Variants in WWC2 observed in about 807,000 individuals in gnomAD.
WWC2 encodes WW and C2 domain containing 2.
A neutral mutation model predicts 138.5 loss-of-function variants in WWC2; 101 were observed. That is an observed-to-expected ratio of 0.73 (90% CI 0.62 to 0.86). The LOEUF (loss-of-function observed/expected upper bound fraction) is 0.86. WWC2 is among the 40% of genes least tolerant of loss of function. The pLI is 0.00. For missense variants in WWC2, 1,420 were observed against 1,419.4 expected (o/e 1.00, Z -0.01); for synonymous variants, 558 against 538.4 (o/e 1.04, Z -0.50).
At chr4:183,171,101 A>G (rs1055099260) in intron 1 of WWC2, among the ~76,000 whole-genome samples, 1 of 152,178 alleles carries the variant, frequency 6.6e-6, no homozygotes, top group Non-Finnish European at 1.5e-5. Flanking sequence ...TCTTCTTTGT[A>G]CTGTTTACAG....
intron 19 of WWC2, among the ~76,000 whole-genome samples, chr4:183,285,387 A>T (rs1738212260): frequency 6.6e-6 from 1 of 152,230 alleles, no homozygotes; most frequent in Admixed American, 6.5e-5. Flanking sequence ...TTAGCTAAAA[A>T]TACAAAGGAT....
At chr4:183,273,536 T>C (rs955668440) in intron 16 of WWC2, among the ~76,000 whole-genome samples, 1 of 152,172 alleles carries the variant, frequency 6.6e-6, no homozygotes, top group African/African-American at 2.4e-5. Context: ...ACTCCCGACC[T>C]CAGGTGATCT....
chr4:183,126,175 C>A (rs1198934377), intron 1 of WWC2, among the ~76,000 whole-genome samples: 2 of 152,216 alleles, frequency 1.3e-5, no homozygotes, highest in African/African-American at 4.8e-5. Flanking sequence ...CTCAAAGTAA[C>A]TAGGAAACCA....
chr4:183,119,758 C>T (rs1732541039), intron 1 of WWC2, among the ~76,000 whole-genome samples: 1 of 152,080 alleles, frequency 6.6e-6, no homozygotes, highest in Admixed American at 6.6e-5. Flanking sequence ...AAAATGAGCA[C>T]GTAGTATATT....
At chr4:183,158,580 C>T (rs113626915) in intron 1 of WWC2, among the ~76,000 whole-genome samples, 123 of 151,966 alleles carry the variant, frequency 8.1e-4, no homozygotes, top group Non-Finnish European at 1.5e-3. Flanking sequence ...TCTTTAAGGG[C>T]CCTGTTTCCA....
At chr4:183,209,099 T>A in intron 4 of WWC2, 74 bp downstream of exon 4, 1 of 1,051,486 alleles carries the variant, frequency 9.5e-7, no homozygotes, top group Non-Finnish European at 1.4e-6. Context: ...GGGGCTTTAG[T>A]GATCAGTTCT....
intron 4 of WWC2, among the ~76,000 whole-genome samples, chr4:183,237,070 A>G (rs1736449343): frequency 6.6e-6 from 1 of 152,208 alleles, no homozygotes; most frequent in Admixed American, 6.5e-5. Flanking sequence ...AAAAGCAAAA[A>G]TCCTCATAAT....
intron 14 of WWC2, 138 bp from the exon 15 acceptor site, chr4:183,268,833 G>A: frequency 1.0e-6 from 1 of 975,608 alleles, no homozygotes; most frequent in Non-Finnish European, 1.5e-6. Context: ...ACGGACCCGT[G>A]ATGGCAGCAA....
chr4:183,260,396 G>A (rs970758188), intron 10 of WWC2, among the ~76,000 whole-genome samples: 1 of 152,166 alleles, frequency 6.6e-6, no homozygotes, highest in Non-Finnish European at 1.5e-5. Flanking sequence ...AAAGGTTAAC[G>A]AAGAAGCATA....
In WWC2 at chr4:183,316,084, G is replaced by A. The variant is rs987318424; in HGVS notation, c.*355G>A. The A allele has an allele frequency of 2.0e-5, 4 of 202,732 alleles. No homozygotes were observed. Among genetic ancestry groups the A allele is most frequent in the African/African-American group, 7.1e-5 (3 of 42,496 alleles). The allele number at this position is 202,732 out of a possible 1,614,324, so 12.6% of individuals were successfully genotyped here. On this transcript the variant is annotated 3_prime_UTR_variant, in exon 23 of 23. Coordinates refer to ENST00000403733, the MANE Select transcript of WWC2 (RefSeq NM_024949.6). Reference sequence around the variant, plus strand: ...GGCTGTTGAGAAACAACTTGGTTCAGCCGGTGGTTTTGCTTCTCCTTTGTG... The same window carrying A: ...GGCTGTTGAGAAACAACTTGGTTCAACCGGTGGTTTTGCTTCTCCTTTGTG...
intron 1 of WWC2, among the ~76,000 whole-genome samples, chr4:183,105,464 A>G (rs1040128015): frequency 6.6e-6 from 1 of 152,238 alleles, no homozygotes; most frequent in Non-Finnish European, 1.5e-5. Flanking sequence ...TTGCCGATGC[A>G]GGAGTTACTA....
At chr4:183,285,086 TAG>T (rs1373582887) in intron 19 of WWC2, among the ~76,000 whole-genome samples, 3 of 152,230 alleles carry the variant, frequency 2.0e-5, no homozygotes, top group Non-Finnish European at 4.4e-5. Context: ...CCTGCCATTG[TAG>T]AGTTTACATT....
At position 183,318,752 on chromosome 4, in the gene WWC2, A is replaced by G. The variant is rs1739528651; in HGVS notation, c.*3023A>G. 6.6e-6 allele frequency: 1 copy of G among 152,236 alleles called. No homozygotes were observed. The highest frequency in any genetic ancestry group is 2.4e-5 in the African/African-American group (1 of 41,454). 9.4% of individuals were successfully genotyped at this position (152,236 alleles called of 1,614,324 possible). A position where few individuals can be genotyped will look rare whatever the true frequency, so the allele number is the denominator to read the frequency against. On this transcript the variant is annotated 3_prime_UTR_variant, in exon 23 of 23. Transcript: ENST00000403733. ...CAAATAAAATGAAGGGCTCCAGAAT[A>G]TGTGCTCTGTGGTCGCTGCGCCTGG...
rs1361289589 is a variant in WWC2, at chr4:183,320,698, A to T, written c.*4969A>T. The T allele has an allele frequency of 5.6e-6, 1 of 179,254 alleles. No individual in the cohort carries two copies. Among genetic ancestry groups the T allele is most frequent in the Admixed American group, 5.5e-5 (1 of 18,042 alleles). The allele number at this position is 179,254 out of a possible 1,614,324, so 11.1% of individuals were successfully genotyped here. A position where few individuals can be genotyped will look rare whatever the true frequency, so the allele number is the denominator to read the frequency against. On this transcript the variant is annotated 3_prime_UTR_variant, in exon 23 of 23. Transcript: ENST00000403733. ...TTCTCACATTTCAAATGTGCATGTT[A>T]TGGTAATACTGAGTGTTATTTTTTA...
chr4:183,284,455 G>T, intron 19 of WWC2, 65 bp downstream of exon 19: 1 of 1,566,364 alleles, frequency 6.4e-7, no homozygotes, highest in African/African-American at 1.3e-5. Flanking sequence ...GTAGGGAGTG[G>T]CCTGCAAAGG....
chr4:183,296,624 A>G (rs754020504), intron 21 of WWC2, among the ~76,000 whole-genome samples: 1 of 152,066 alleles, frequency 6.6e-6, no homozygotes, highest in Non-Finnish European at 1.5e-5. Context: ...CCTTACATAG[A>G]TGATCTTGCT....
Position 183,289,428 on chromosome 4 carries a change from G to A in WWC2, c.3177G>A (p.Gln1059=). 6.2e-7 allele frequency: 1 copy of A among 1,612,184 alleles called. No individual in the cohort carries two copies. Among genetic ancestry groups the A allele is most frequent in the Non-Finnish European group, 8.5e-7 (1 of 1,179,100 alleles). Residue 1059 remains glutamine (Q), a synonymous_variant, in exon 21 of 23, where the codon CAG becomes CAA. Transcript: ENST00000403733. ...AGTCAGTCCTTAGAAGAACAACACA[G>A]GAATGCCCAGTGCGGACATCTCTAG... The part of the protein sequence containing the change: ...VCQSVLRRTT[Q]ECPVRTSLDL...
chr4:183,281,814 A>G (rs752577772), intron 17 of WWC2, among the ~76,000 whole-genome samples: 12 of 152,238 alleles, frequency 7.9e-5, no homozygotes, highest in Non-Finnish European at 1.2e-4. Context: ...GAGAGTGATT[A>G]TAAGGTTCAT....
chr4:183,320,246 C>CT lies in WWC2; in HGVS notation c.*4518dup, dbSNP rs748706866. ...TAATGTCCTGAGAGCTTTAGCCAAA[C>CT]TAACTCCTGCCCTTCGGTTGCTGTG... On this transcript the variant is annotated 3_prime_UTR_variant, in exon 23 of 23. Coordinates refer to ENST00000403733, the MANE Select transcript of WWC2 (RefSeq NM_024949.6). 2.1e-5 allele frequency: 34 copies of CT among 1,582,638 alleles called. No individual in the cohort carries two copies. In the South Asian group the frequency reaches 3.4e-4, roughly 16 times the overall value.
Sources: allele counts gnomAD v4.1 joint callset (sites outside exome capture counted in the v4.1 genomes callset), GRCh38; gene constraint gnomAD v4.1.1; transcripts MANE v1.5; gene names NCBI Gene and HGNC (gene_info 2026-07-23, HGNC 2026-07-21).